The following MESD variants were observed in gnomAD, a reference collection of about 807,000 sequenced individuals.
The protein encoded by MESD is LRP chaperone MESD.
In MESD, 7 loss-of-function variants were observed where a neutral mutation model predicts 12.9. The ratio of observed to expected loss-of-function variants is 0.54; its 90% CI spans 0.31 to 1.02. The LOEUF (loss-of-function observed/expected upper bound fraction) is 1.02, where lower values mean the gene tolerates loss of function less well. Among genes scored for constraint, MESD ranks in the 50% least tolerant of loss-of-function variants. The pLI, the probability that MESD is intolerant of heterozygous loss-of-function variation, is 0.05. For synonymous variants in MESD, 126 were observed against 115.6 expected, an observed-to-expected ratio of 1.09 and a Z score of -0.58; for missense variants, 342 against 296.7, an observed-to-expected ratio of 1.15 and a Z score of -1.12.
chr15:80,956,285 T>TG (rs2141785274), intron 3 of MESD, among the ~76,000 whole-genome samples: 1 of 152,310 alleles, frequency 6.6e-6, no homozygotes, highest in East Asian at 1.9e-4. Flanking sequence ...TATGATGACA[T>TG]GAAGTGTGTT....
intron 3 of MESD, among the ~76,000 whole-genome samples, chr15:80,957,846 C>T (rs1902015136): frequency 6.6e-6 from 1 of 152,120 alleles, no homozygotes; most frequent in South Asian, 2.1e-4. Context: ...TCTATTCAGG[C>T]CTTCCACTGG....
intron 3 of MESD, among the ~76,000 whole-genome samples, chr15:80,958,083 C>T (rs1449464628): frequency 6.6e-6 from 1 of 152,142 alleles, no homozygotes; most frequent in Non-Finnish European, 1.5e-5. Context: ...ATTACACAAA[C>T]ACAAGGAAGT....
rs34483226 is a variant in MESD, at chr15:80,960,390, GA to G, written c.*289-8095del. Among the ~76,000 whole-genome samples, 572 of 136,328 alleles carry G rather than the reference GA, an allele frequency of 4.2e-3. 4 individuals are homozygous for G. Among genetic ancestry groups the G allele is most frequent in the African/African-American group, 0.014 (521 of 37,174 alleles). 89.4% of individuals were successfully genotyped at this position (136,328 alleles called of 152,430 possible). A position where few individuals can be genotyped will look rare whatever the true frequency, so the allele number is the denominator to read the frequency against. Reference sequence around the variant, plus strand: ...TAAAAAAAAAAAAAAAAAGCACGGAGAAAAAAAAAAACTCTTTCCCAGTTTG... The same window carrying G: ...TAAAAAAAAAAAAAAAAAGCACGGAGAAAAAAAAAACTCTTTCCCAGTTTG... On this transcript the variant is annotated intron_variant, in intron 3 of 4. Transcript: ENST00000561312.
At chr15:80,962,016 A>C (rs1902095158) in intron 3 of MESD, among the ~76,000 whole-genome samples, 1 of 152,250 alleles carries the variant, frequency 6.6e-6, no homozygotes, top group African/African-American at 2.4e-5. Context: ...TAAATGGGCT[A>C]AATGCCCCAA....
rs71399435 is a variant in MESD at position 80,977,958 on chromosome 15, C to G, written c.*1261G>C. ...GAGAATGCAGAGGGTGTGGTTCTTT[C>G]GAGGGAAATGTGAGCAGCTACCAAA... is the stretch of plus-strand genomic sequence containing the variant. On this transcript the variant is annotated 3_prime_UTR_variant, in exon 3 of 3. Transcript: ENST00000261758. 0.017 allele frequency: 2,573 copies of G among 152,250 alleles called. 48 individuals are homozygous for G. The highest frequency in any genetic ancestry group is 0.026 in the Non-Finnish European group (1,763 of 68,034). 9.4% of individuals were successfully genotyped at this position (152,250 alleles called of 1,614,324 possible). A position where few individuals can be genotyped will look rare whatever the true frequency, so the allele number is the denominator to read the frequency against.
intron 3 of MESD, among the ~76,000 whole-genome samples, chr15:80,953,700 C>A (rs764633485): frequency 2.0e-5 from 3 of 151,982 alleles, no homozygotes; most frequent in South Asian, 2.1e-4. Flanking sequence ...GGCCTGGAGG[C>A]GATGTGTAGG....
chr15:80,981,042 T>C (rs910939576), intron 2 of MESD, among the ~76,000 whole-genome samples: 1 of 151,774 alleles, frequency 6.6e-6, no homozygotes, highest in African/African-American at 2.4e-5. Context: ...GCCAGGATGA[T>C]CTTGATCTCC....
intron 3 of MESD, among the ~76,000 whole-genome samples, chr15:80,966,412 G>A (rs1902176076): frequency 2.6e-5 from 4 of 152,150 alleles, no homozygotes; most frequent in Admixed American, 2.6e-4. Flanking sequence ...TTTACAAAGG[G>A]TTTGTAATAA....
intron 3 of MESD, chr15:80,953,168 A>C: frequency 2.3e-6 from 1 of 442,116 alleles, no homozygotes; most frequent in Non-Finnish European, 4.6e-6. Context: ...GCAAAGTGGA[A>C]GGTGGGTTGG....
Position 80,979,321 on chromosome 15 carries a change from A to T in MESD, c.603T>A (p.Asn201Lys). The change falls in exon 3 of 3, where the codon AAT (asparagine) becomes AAA (lysine). Residue 201 changes from asparagine (N) to lysine (K), a missense_variant. Coordinates refer to ENST00000261758, the MANE Select transcript of MESD (RefSeq NM_015154.3). ...PGKGGGSKEK[N>K]KTKQDKGKKK... ...TTTTGCCCTTGTCTTGCTTTGTTTT[A>T]TTTTTCTCTTTGCTTCCTCCTCCTT... 6.2e-7 allele frequency: 1 copy of T among 1,613,246 alleles called. No homozygotes were observed. Among genetic ancestry groups the T allele is most frequent in the South Asian group, 1.1e-5 (1 of 91,046 alleles).
Position 80,976,456 on chromosome 15 carries a change from G to C in MESD, c.*2763C>G, listed in dbSNP as rs1312174433. ...TGGGCTGGGAAGACTCATGCAGCTG[G>C]GGTTGGAGCAGGTGGGCCTCCTGGG... On this transcript the variant is annotated 3_prime_UTR_variant, in exon 3 of 3. Transcript: ENST00000261758. 1.3e-5 allele frequency: 2 copies of C among 152,600 alleles called. No homozygotes were observed. Among genetic ancestry groups the C allele is most frequent in the African/African-American group, 2.4e-5 (1 of 41,452 alleles). 9.5% of individuals were successfully genotyped at this position (152,600 alleles called of 1,614,324 possible).
downstream of MESD, among the ~76,000 whole-genome samples, chr15:80,973,675 G>T (rs938488863): frequency 6.6e-6 from 1 of 152,142 alleles, no homozygotes; most frequent in Non-Finnish European, 1.5e-5. Flanking sequence ...GGCCCTGCCA[G>T]CCCCGCCTCA....
At chr15:80,979,557 T>C (rs1902518387) in intron 2 of MESD, 80 bp from the exon 3 acceptor site, 16 of 1,466,836 alleles carry the variant, frequency 1.1e-5, no homozygotes, top group East Asian at 2.3e-5. Flanking sequence ...CTGGCACTTA[T>C]CAGTTTATTT....
At chr15:80,958,631 C>G (rs1001859837) in intron 3 of MESD, among the ~76,000 whole-genome samples, 1 of 151,758 alleles carries the variant, frequency 6.6e-6, no homozygotes, top group South Asian at 2.1e-4. Flanking sequence ...CCGTGCCTGG[C>G]CTTAGGCATT....
At chr15:80,984,329 T>C (rs1902669615) in intron 1 of MESD, among the ~76,000 whole-genome samples, 1 of 152,066 alleles carries the variant, frequency 6.6e-6, no homozygotes, top group Non-Finnish European at 1.5e-5. Context: ...ACCTCAGCAC[T>C]TTAGGAGGTC....
intron 1 of MESD, among the ~76,000 whole-genome samples, chr15:80,988,993 G>A (rs1893222983): frequency 6.6e-6 from 1 of 152,200 alleles, no homozygotes; most frequent in Non-Finnish European, 1.5e-5. Flanking sequence ...TCACGATACA[G>A]AGCCATTAGC....
In MESD at chr15:80,960,216, T is replaced by C. The variant is rs137898646; in HGVS notation, c.*289-7920A>G. Among the ~76,000 whole-genome samples, 1,249 of 151,970 alleles carry C rather than the reference T, an allele frequency of 8.2e-3. 20 individuals are homozygous for C. Among genetic ancestry groups the C allele is most frequent in the African/African-American group, 0.029 (1,194 of 41,434 alleles). On this transcript the variant is annotated intron_variant, in intron 3 of 4. Transcript: ENST00000561312. ...CCCATCTCTACAAAAAACACAAAAA[T>C]TAGTTGGGTGTGGTGGCACCCACCT...
intron 3 of MESD, among the ~76,000 whole-genome samples, chr15:80,969,794 G>A (rs1015415158): frequency 3.3e-5 from 5 of 152,194 alleles, no homozygotes; most frequent in Non-Finnish European, 5.9e-5. Flanking sequence ...GGCGGAAGTT[G>A]CAGTGAGCCG....
chr15:80,973,195 G>A (rs140962070), downstream of MESD, among the ~76,000 whole-genome samples: 246 of 152,204 alleles, frequency 1.6e-3, 1 homozygote, highest in Non-Finnish European at 2.3e-3. Context: ...TAGCTGGGAC[G>A]GTGTGATGGT....
Sources: gnomAD v4.1 joint callset for allele counts (sites outside exome capture counted in the v4.1 genomes callset) on GRCh38, gnomAD v4.1.1 for gene constraint, MANE v1.5 for transcripts, NCBI Gene and HGNC (gene_info 2026-07-23, HGNC 2026-07-21) for gene names.